The following CMC2 variants were observed in gnomAD, a reference collection of about 807,000 sequenced individuals.
CMC2 encodes the protein C-X9-C motif containing 2.
Under a neutral mutation model 7.5 loss-of-function variants are expected in CMC2, and 5 were observed. The observed-to-expected ratio is 0.66, with a 90% confidence interval of 0.35 to 1.40. The LOEUF (loss-of-function observed/expected upper bound fraction) is 1.40. Ranked by LOEUF, CMC2 falls within the 40% of genes most tolerant of loss-of-function variation. The pLI is 0.04. For synonymous variants in CMC2, 37 were observed against 31.4 expected (o/e 1.18, Z -0.60); for missense variants, 115 against 92.3 (o/e 1.25, Z -1.01).
At position 80,972,362 on chromosome 16, in the gene CMC2, G is replaced by C. The variant is rs61060600; in HGVS notation, c.*3731C>G. The C allele has an allele frequency of 6.7e-6, 1 of 148,214 alleles. No individual in the cohort carries two copies. Among genetic ancestry groups the C allele is most frequent in the African/African-American group, 2.5e-5 (1 of 39,412 alleles). 9.2% of individuals were successfully genotyped at this position (148,214 alleles called of 1,614,324 possible). A position where few individuals can be genotyped will look rare whatever the true frequency, so the allele number is the denominator to read the frequency against. ...TCCCTTGGGACAGTGAGGATTTTTT[G>C]TTTTTCGTTTTTTTTGTTTTTTTCT... On this transcript the variant is annotated 3_prime_UTR_variant, in exon 4 of 4. Coordinates refer to ENST00000219400, the MANE Select transcript of CMC2 (RefSeq NM_020188.5).
intron 1 of CMC2, among the ~76,000 whole-genome samples, chr16:81,003,192 T>C (rs1968995102): frequency 6.6e-6 from 1 of 152,206 alleles, no homozygotes. Context: ...TCAGAACACA[T>C]GTAATTAAGT....
chr16:80,983,048 T>C (rs765024190), intron 2 of CMC2: 16 of 161,284 alleles, frequency 9.9e-5, no homozygotes, highest in Non-Finnish European at 1.9e-4. Context: ...AAACAGATGA[T>C]GTAAACTTAC....
At chr16:80,993,602 G>A (rs1008715779) in intron 2 of CMC2, among the ~76,000 whole-genome samples, 2 of 152,168 alleles carry the variant, frequency 1.3e-5, no homozygotes, top group South Asian at 2.1e-4. Flanking sequence ...AGGGCTGGGA[G>A]TCAATGGAGT....
intron 3 of CMC2, among the ~76,000 whole-genome samples, chr16:80,976,944 C>A (rs572699020): frequency 6.6e-6 from 1 of 151,946 alleles, no homozygotes; most frequent in Admixed American, 6.6e-5. Context: ...AACATTAATG[C>A]CCCTTACCAA....
intron 2 of CMC2, among the ~76,000 whole-genome samples, chr16:80,984,962 G>C (rs755487734): frequency 3.9e-5 from 6 of 152,164 alleles, no homozygotes; most frequent in South Asian, 2.1e-4. Flanking sequence ...TGAGTCTCTA[G>C]TGCCTGGTGT....
intron 3 of CMC2, 40 bp from the exon 4 acceptor site, chr16:80,976,219 A>G: frequency 3.7e-6 from 4 of 1,066,724 alleles, no homozygotes; most frequent in Non-Finnish European, 5.6e-6. Context: ...GAAACAGCAG[A>G]TTATGTCACT....
intron 3 of CMC2, 100 bp downstream of exon 3, chr16:80,981,706 C>G (rs916220393): frequency 2.7e-6 from 2 of 739,880 alleles, no homozygotes. Context: ...TTCTGTTACA[C>G]TAAAATGTGG....
In CMC2 at chr16:80,974,121, C is replaced by T. The variant is rs1053343072; in HGVS notation, c.*1972G>A. 2 of 152,306 alleles carry T rather than the reference C, an allele frequency of 1.3e-5. No individual in the cohort carries two copies. The highest frequency in any genetic ancestry group is 2.9e-5 in the Non-Finnish European group (2 of 68,106). The allele number at this position is 152,306 out of a possible 1,614,324, so 9.4% of individuals were successfully genotyped here. A position where few individuals can be genotyped will look rare whatever the true frequency, so the allele number is the denominator to read the frequency against. On this transcript the variant is annotated 3_prime_UTR_variant, in exon 4 of 4. Coordinates refer to ENST00000219400, the MANE Select transcript of CMC2 (RefSeq NM_020188.5). ...ACACTTCACCTCCCCAGTACTCCCT[C>T]CCAAGCAGGCACAAATCAAATGCCT... is the stretch of plus-strand genomic sequence containing the variant.
intron 2 of CMC2, chr16:80,988,568 G>A (rs929834225): frequency 4.4e-5 from 31 of 701,090 alleles, no homozygotes; most frequent in African/African-American, 8.8e-5. Context: ...CTTCTGAACC[G>A]AGTAAGTTGC....
chr16:80,977,474 C>T (rs1912543197), intron 3 of CMC2, among the ~76,000 whole-genome samples: 2 of 152,170 alleles, frequency 1.3e-5, no homozygotes, highest in African/African-American at 4.8e-5. Flanking sequence ...ACAGAAAAAA[C>T]TGAAAACATG....
rs553598664 is a variant in CMC2 at position 80,979,542 on chromosome 16, CAAAT to C, written c.153+2260_153+2263del. 2.0e-3 allele frequency among the ~76,000 whole-genome samples: 299 copies of C among 152,022 alleles called. 3 individuals are homozygous for C. Among genetic ancestry groups the C allele is most frequent in the African/African-American group, 6.7e-3 (276 of 41,500 alleles). On this transcript the variant is annotated intron_variant, in intron 3 of 3. Coordinates refer to ENST00000219400, the MANE Select transcript of CMC2 (RefSeq NM_020188.5). ...TATACAGCTGAAAGTATGTAAAAAA[CAAAT>C]AGCCATACTGAATAAAATAATATGA...
At chr16:80,976,529 T>C (rs949608161) in intron 3 of CMC2, among the ~76,000 whole-genome samples, 7 of 152,226 alleles carry the variant, frequency 4.6e-5, no homozygotes, top group Non-Finnish European at 1.0e-4. Context: ...CTCCAGGGGC[T>C]TGCAGTCTAA....
At chr16:80,995,459 C>T (rs1968334487) in intron 2 of CMC2, among the ~76,000 whole-genome samples, 2 of 152,038 alleles carry the variant, frequency 1.3e-5, no homozygotes, top group Non-Finnish European at 2.9e-5. Context: ...AGTTCGAGAC[C>T]AGCCTGCCCA....
rs756529549 is a variant in CMC2, at chr16:80,997,358, C to T, written c.37G>A (p.Glu13Lys). The change falls in exon 2 of 4, where the codon GAA becomes AAA. Residue 13 changes from glutamate to lysine, a missense_variant. Physicochemically the swap from Glu to Lys is moderately conservative, Grantham distance 56. Coordinates refer to ENST00000219400, the MANE Select transcript of CMC2 (RefSeq NM_020188.5). The stretch of plus-strand genomic sequence containing the variant: ...AGCAAGTTAATCAAGACGTTGCATT[C>T]TTCAGTGTGCAAGTGTGGAGATAAG... ...PDLSPHLHTE[E>K]CNVLINLLKE... 5.9e-6 allele frequency: 9 copies of T among 1,533,818 alleles called. No individual in the cohort carries two copies. Among genetic ancestry groups the T allele is most frequent in the Non-Finnish European group, 8.0e-6 (9 of 1,128,154 alleles).
At chr16:81,004,325 T>C (rs1047115953) in intron 1 of CMC2, among the ~76,000 whole-genome samples, 1 of 152,182 alleles carries the variant, frequency 6.6e-6, no homozygotes, top group African/African-American at 2.4e-5. Context: ...GAGGGATAAA[T>C]TCCATTCAAA....
At chr16:80,991,905 A>G (rs1199271989) in intron 2 of CMC2, 2 of 453,728 alleles carry the variant, frequency 4.4e-6, no homozygotes, top group Non-Finnish European at 8.9e-6. Context: ...CACAGATAAC[A>G]GGAGCCTAAA....
chr16:81,004,404 G>T (rs1353377951), intron 1 of CMC2, among the ~76,000 whole-genome samples: 3 of 152,138 alleles, frequency 2.0e-5, no homozygotes, highest in Admixed American at 2.0e-4. Flanking sequence ...TCCTGGGAGC[G>T]ACCCCAGGGA....
At chr16:80,999,471 C>T (rs62056084) in intron 1 of CMC2, among the ~76,000 whole-genome samples, 13,624 of 152,192 alleles carry the variant, frequency 0.09, 681 homozygotes, top group East Asian at 0.2. Flanking sequence ...ATCAATATCA[C>T]TGAAATGGCC....
chr16:80,984,725 A>T (rs955393765), intron 2 of CMC2, among the ~76,000 whole-genome samples: 1 of 152,232 alleles, frequency 6.6e-6, no homozygotes, highest in African/African-American at 2.4e-5. Context: ...ATGTGAGGCA[A>T]TATTACATAG....
Sources: gnomAD v4.1 joint callset for allele counts (sites outside exome capture counted in the v4.1 genomes callset) on GRCh38, gnomAD v4.1.1 for gene constraint, MANE v1.5 for transcripts, NCBI Gene and HGNC (gene_info 2026-07-23, HGNC 2026-07-21) for gene names.